Variants in DIAPH3 observed in about 807,000 individuals in gnomAD.
The protein encoded by DIAPH3 is diaphanous related formin 3, also known as protein diaphanous homolog 3.
Under a neutral mutation model 144.3 loss-of-function variants are expected in DIAPH3, and 117 were observed. The ratio of observed to expected loss-of-function variants is 0.81; its 90% CI spans 0.70 to 0.95. DIAPH3 has a LOEUF of 0.95. Ranked by LOEUF, DIAPH3 falls within the 40% of genes least tolerant of loss-of-function variation. The pLI is 0.00. For missense variants in DIAPH3, 1,421 were observed against 1,412.7 expected (o/e 1.01, Z -0.09); for synonymous variants, 519 against 488.9 (o/e 1.06, Z -0.81).
intron 27 of DIAPH3, among the ~76,000 whole-genome samples, chr13:59,686,673 C>T (rs552444376): frequency 5.9e-5 from 9 of 152,148 alleles, no homozygotes; most frequent in Admixed American, 1.3e-4. Flanking sequence ...TGAGTTATTT[C>T]GGGCTAGGGG....
At chr13:59,847,961 C>T (rs1021197801) in intron 22 of DIAPH3, among the ~76,000 whole-genome samples, 2 of 152,154 alleles carry the variant, frequency 1.3e-5, no homozygotes, top group Non-Finnish European at 2.9e-5. Flanking sequence ...CTTGACTTGC[C>T]CCTACATCGC....
At chr13:59,989,413 TAAC>T (rs1403929959) in intron 12 of DIAPH3, among the ~76,000 whole-genome samples, 3 of 151,778 alleles carry the variant, frequency 2.0e-5, no homozygotes, top group Admixed American at 6.6e-5. Context: ...AAAGAAATAT[TAAC>T]AACAACAATA....
chr13:59,820,439 T>G (rs1043033944), intron 24 of DIAPH3, among the ~76,000 whole-genome samples: 1 of 151,968 alleles, frequency 6.6e-6, no homozygotes, highest in South Asian at 2.1e-4. Flanking sequence ...CTAAATCTAA[T>G]GTTCATTATG....
At chr13:59,823,432 AT>A (rs1020304584) in intron 24 of DIAPH3, among the ~76,000 whole-genome samples, 2 of 152,208 alleles carry the variant, frequency 1.3e-5, no homozygotes, top group African/African-American at 4.8e-5. Flanking sequence ...GGTTTGTGGC[AT>A]TTAGCTCCAA....
intron 1 of DIAPH3, among the ~76,000 whole-genome samples, chr13:60,157,754 G>T (rs1387476704): frequency 1.3e-5 from 2 of 152,102 alleles, no homozygotes; most frequent in Non-Finnish European, 2.9e-5. Context: ...GTTTGTTTTA[G>T]CAGGCAGTTA....
intron 17 of DIAPH3, among the ~76,000 whole-genome samples, chr13:59,925,386 G>A (rs1269068851): frequency 2.0e-5 from 3 of 152,100 alleles, no homozygotes; most frequent in African/African-American, 4.8e-5. Context: ...AATCATCTAT[G>A]CATCCTTGAA....
At chr13:60,111,897 C>T (rs2058578873) in intron 3 of DIAPH3, 113 bp downstream of exon 3, 3 of 997,718 alleles carry the variant, frequency 3.0e-6, no homozygotes, top group South Asian at 1.4e-5. Context: ...TCTTAAGTGA[C>T]ATCAGAAATT....
intron 20 of DIAPH3, among the ~76,000 whole-genome samples, chr13:59,881,233 T>C (rs1056638508): frequency 6.6e-6 from 1 of 152,220 alleles, no homozygotes; most frequent in African/African-American, 2.4e-5. Context: ...GATGTTCATA[T>C]GACACTGGTA....
intron 27 of DIAPH3, among the ~76,000 whole-genome samples, chr13:59,725,744 CT>C (rs2035575478): frequency 6.6e-6 from 1 of 152,174 alleles, no homozygotes; most frequent in Admixed American, 6.5e-5. Flanking sequence ...GTAATTAGAC[CT>C]TGCAAGCCTG....
At chr13:59,862,972 C>T (rs1457729654) in intron 21 of DIAPH3, among the ~76,000 whole-genome samples, 1 of 152,034 alleles carries the variant, frequency 6.6e-6, no homozygotes, top group Non-Finnish European at 1.5e-5. Flanking sequence ...AACTTGTGAC[C>T]CCTTTCCTCC....
intron 27 of DIAPH3, among the ~76,000 whole-genome samples, chr13:59,733,585 G>T (rs181923870): frequency 3.9e-5 from 6 of 152,268 alleles, no homozygotes; most frequent in Admixed American, 3.9e-4. Flanking sequence ...AGATAGGAAG[G>T]TTTAGTTGTA....
chr13:59,965,817 T>G (rs1390719672), intron 17 of DIAPH3, among the ~76,000 whole-genome samples: 1 of 152,118 alleles, frequency 6.6e-6, no homozygotes, highest in African/African-American at 2.4e-5. Flanking sequence ...GAAGCACACC[T>G]GCCTTATTCA....
intron 20 of DIAPH3, among the ~76,000 whole-genome samples, chr13:59,892,439 A>G (rs754985273): frequency 2.4e-4 from 36 of 152,026 alleles, no homozygotes; most frequent in Non-Finnish European, 4.3e-4. Context: ...ATTGGCACTA[A>G]AAGAAATGTT....
chr13:60,073,274 A>G (rs977080139), intron 4 of DIAPH3, among the ~76,000 whole-genome samples: 1 of 151,580 alleles, frequency 6.6e-6, no homozygotes, highest in African/African-American at 2.4e-5. Context: ...GCGCCACTGC[A>G]CTCCAGCCTG....
At chr13:59,860,416 T>A (rs1382688172) in intron 22 of DIAPH3, among the ~76,000 whole-genome samples, 1 of 152,150 alleles carries the variant, frequency 6.6e-6, no homozygotes, top group Non-Finnish European at 1.5e-5. Flanking sequence ...TGACACCAAG[T>A]AAAGTTGAAA....
chr13:59,807,164 A>G (rs1299570024), intron 25 of DIAPH3, among the ~76,000 whole-genome samples: 2 of 151,606 alleles, frequency 1.3e-5, no homozygotes, highest in African/African-American at 4.8e-5. Flanking sequence ...AAGAAATCAA[A>G]TGCTTTGTTC....
intron 25 of DIAPH3, among the ~76,000 whole-genome samples, chr13:59,783,195 C>T (rs341570): frequency 0.66 from 99,870 of 151,676 alleles, 33,240 homozygotes; most frequent in East Asian, 0.72. Flanking sequence ...AAGTAAGTTA[C>T]AGAAGTGGTG....
chr13:59,904,698 A>G (rs2046634992), intron 20 of DIAPH3, among the ~76,000 whole-genome samples: 1 of 152,328 alleles, frequency 6.6e-6, no homozygotes, highest in African/African-American at 2.4e-5. Context: ...CTTCATTTTA[A>G]TTCACTTTTA....
In DIAPH3 at chr13:60,080,319, G is replaced by A. The variant is rs558028017; in HGVS notation, c.495+13309C>T. On this transcript the variant is annotated intron_variant, in intron 4 of 27. Transcript: ENST00000400324. ...TATATATAATAAAGCCCTAATGTCCGTAACATTCTACAATGTGTTATAGAA... is the reference window on the plus strand; with the variant it reads ...TATATATAATAAAGCCCTAATGTCCATAACATTCTACAATGTGTTATAGAA... 9.2e-5 allele frequency among the ~76,000 whole-genome samples: 14 copies of A among 151,710 alleles called. 1 individual carries two copies. The East Asian group carries it at 2.1e-3, about 23-fold the overall frequency.
Sources: allele counts gnomAD v4.1 joint callset (sites outside exome capture counted in the v4.1 genomes callset), GRCh38; gene constraint gnomAD v4.1.1; transcripts MANE v1.5; gene names NCBI Gene and HGNC (gene_info 2026-07-23, HGNC 2026-07-21).